DEPDC1B: variants seen among roughly 807,000 people sequenced by gnomAD.
DEPDC1B encodes the protein DEP domain-containing protein 1B.
Under a neutral mutation model 66.5 loss-of-function variants are expected in DEPDC1B, and 51 were observed. The observed-to-expected ratio is 0.77, with a 90% CI of 0.61 to 0.97. DEPDC1B has a LOEUF of 0.97. Among genes scored for constraint, DEPDC1B ranks in the 50% least tolerant of loss-of-function variants. DEPDC1B has a pLI of 0.00. For missense variants in DEPDC1B, 552 were observed against 637.1 expected, an observed-to-expected ratio of 0.87 and a Z score of 1.44; for synonymous variants, 226 against 223.6, an observed-to-expected ratio of 1.01 and a Z score of -0.10.
chr5:60,667,566 A>T (rs1002412596), intron 2 of DEPDC1B, among the ~76,000 whole-genome samples: 1 of 144,752 alleles, frequency 6.9e-6, no homozygotes, highest in Admixed American at 6.9e-5. Flanking sequence ...TACATATATA[A>T]AAAAGTGGAT....
intron 3 of DEPDC1B, 148 bp from the exon 4 acceptor site, chr5:60,645,767 A>G (rs1753301637): frequency 1.2e-6 from 1 of 835,392 alleles, no homozygotes; most frequent in Non-Finnish European, 1.7e-6. Context: ...AATTAGAAAT[A>G]TAAACTAACT....
chr5:60,698,811 G>A (rs924654848), intron 1 of DEPDC1B, among the ~76,000 whole-genome samples: 16 of 152,030 alleles, frequency 1.1e-4, no homozygotes, highest in African/African-American at 3.9e-4. Context: ...GACTATAGGC[G>A]CATGCCACCA....
intron 2 of DEPDC1B, among the ~76,000 whole-genome samples, chr5:60,648,366 T>G (rs1025559593): frequency 7.9e-5 from 12 of 152,240 alleles, no homozygotes; most frequent in African/African-American, 2.9e-4. Context: ...ACTGCTTTCA[T>G]GTGTCCTGAC....
At chr5:60,619,364 T>C (rs1752646422) in intron 7 of DEPDC1B, among the ~76,000 whole-genome samples, 1 of 152,222 alleles carries the variant, frequency 6.6e-6, no homozygotes, top group African/African-American at 2.4e-5. Context: ...TGTTTGCAGA[T>C]GACATGATTG....
At chr5:60,690,401 T>C (rs185306613) in intron 1 of DEPDC1B, among the ~76,000 whole-genome samples, 145 of 152,362 alleles carry the variant, frequency 9.5e-4, no homozygotes, top group African/African-American at 3.3e-3. Context: ...CTTTGGTATA[T>C]GCATATGAAA....
At chr5:60,616,448 G>C (rs1219486264) in intron 7 of DEPDC1B, among the ~76,000 whole-genome samples, 3 of 152,122 alleles carry the variant, frequency 2.0e-5, no homozygotes, top group Non-Finnish European at 2.9e-5. Context: ...AGTCCTTAAA[G>C]GACCAGATGA....
chr5:60,686,874 C>A, intron 2 of DEPDC1B, 88 bp downstream of exon 2: 1 of 1,507,492 alleles, frequency 6.6e-7, no homozygotes. Context: ...AAGGTAAATT[C>A]TTACACATCA....
intron 7 of DEPDC1B, among the ~76,000 whole-genome samples, chr5:60,632,025 G>C (rs1390105806): frequency 2.6e-5 from 4 of 152,204 alleles, no homozygotes; most frequent in Non-Finnish European, 5.9e-5. Context: ...TGCTGATGAG[G>C]ATGAAGAGAC....
chr5:60,604,215 A>ATTTTTTTTT (rs1323826916), intron 8 of DEPDC1B, among the ~76,000 whole-genome samples: 239 of 59,836 alleles, frequency 4.0e-3, no homozygotes, highest in Middle Eastern at 0.01. Flanking sequence ...GAAATTAACT[A>ATTTTTTTTT]TTCTTTTTTT....
chr5:60,683,777 A>G (rs1754350539), intron 2 of DEPDC1B, among the ~76,000 whole-genome samples: 1 of 152,200 alleles, frequency 6.6e-6, no homozygotes, highest in South Asian at 2.1e-4. Flanking sequence ...AAGCAAGAGA[A>G]AGAAATAAAC....
chr5:60,660,870 G>A (rs979052302), intron 2 of DEPDC1B, among the ~76,000 whole-genome samples: 5 of 152,172 alleles, frequency 3.3e-5, no homozygotes, highest in African/African-American at 9.7e-5. Context: ...CAGAAAAGGA[G>A]GACAGATGGT....
intron 7 of DEPDC1B, among the ~76,000 whole-genome samples, chr5:60,620,186 C>G (rs1309958053): frequency 2.0e-5 from 3 of 152,142 alleles, no homozygotes; most frequent in Non-Finnish European, 2.9e-5. Flanking sequence ...CCATAAAAAC[C>G]CTAGAAGAAA....
intron 1 of DEPDC1B, chr5:60,687,796 A>G (rs1584104839): frequency 1.4e-5 from 3 of 211,852 alleles, no homozygotes; most frequent in South Asian, 1.0e-4. Context: ...AAAGTGCTGG[A>G]ATTACAGGAG....
chr5:60,617,249 C>A (rs1752580296), intron 7 of DEPDC1B, among the ~76,000 whole-genome samples: 1 of 152,176 alleles, frequency 6.6e-6, no homozygotes, highest in African/African-American at 2.4e-5. Context: ...AATTAACCAG[C>A]TAACATCATA....
chr5:60,643,291 A>G (rs373771061), intron 5 of DEPDC1B, among the ~76,000 whole-genome samples: 61 of 152,360 alleles, frequency 4.0e-4, no homozygotes, highest in African/African-American at 1.3e-3. Context: ...TAGGTCCAAT[A>G]TAAGTATCAT....
Position 60,597,890 on chromosome 5 carries a change from A to G in DEPDC1B, c.1453T>C (p.Tyr485His). 2 of 1,610,872 alleles carry G rather than the reference A, an allele frequency of 1.2e-6. No homozygotes were observed. Among genetic ancestry groups the G allele is most frequent in the Non-Finnish European group, 1.7e-6 (2 of 1,179,108 alleles). ...TCTGGTGTAGGAAATCGTTCTTGAT[A>G]GACTTCAGGATAGGATTTCTGAAAC... is the stretch of plus-strand genomic sequence containing the variant. ...KQFQKSYPEV[Y>H]QERFPTPESA... is the part of the protein sequence containing the mutation. Residue 485 changes from tyrosine (Y) to histidine (H), a missense_variant, in exon 11 of 11, where the codon TAT becomes CAT. Coordinates refer to ENST00000265036, the MANE Select transcript of DEPDC1B (RefSeq NM_018369.3).
chr5:60,695,602 C>T (rs1039266769), intron 1 of DEPDC1B, among the ~76,000 whole-genome samples: 18 of 152,068 alleles, frequency 1.2e-4, no homozygotes, highest in African/African-American at 4.3e-4. Context: ...GTCAATTATG[C>T]CATGCTTTTC....
At chr5:60,606,791 T>C (rs2111722227) in intron 7 of DEPDC1B, among the ~76,000 whole-genome samples, 1 of 151,896 alleles carries the variant, frequency 6.6e-6, no homozygotes, top group South Asian at 2.1e-4. Flanking sequence ...CTTTTTTTTT[T>C]TTTAAAGGAT....
chr5:60,696,731 C>T (rs767627271), intron 1 of DEPDC1B, among the ~76,000 whole-genome samples: 3 of 152,050 alleles, frequency 2.0e-5, no homozygotes, highest in Non-Finnish European at 4.4e-5. Flanking sequence ...ATTTCAGTCC[C>T]CTAGTTTCTC....
Sources: gnomAD v4.1 joint callset for allele counts (sites outside exome capture counted in the v4.1 genomes callset) on GRCh38, gnomAD v4.1.1 for gene constraint, MANE v1.5 for transcripts, NCBI Gene and HGNC (gene_info 2026-07-23, HGNC 2026-07-21) for gene names.